The following TRPM1 variants were observed in gnomAD, a reference collection of about 807,000 sequenced individuals.
TRPM1 encodes TRPM1-203 APA Isoform, Intron 10.
In TRPM1, 113 loss-of-function variants were observed where a neutral mutation model predicts 149.4. That is an observed-to-expected ratio of 0.76 (90% CI 0.65 to 0.88). TRPM1 has a LOEUF of 0.88. TRPM1 is among the 40% of genes least tolerant of loss of function. The pLI is 0.00. For missense variants in TRPM1, 1,976 were observed against 2,038.7 expected (o/e 0.97, Z 0.59); for synonymous variants, 741 against 759.5 (o/e 0.98, Z 0.40).
At chr15:31,122,029 A>G (rs2035888323) in intron 1 of TRPM1, among the ~76,000 whole-genome samples, 1 of 152,214 alleles carries the variant, frequency 6.6e-6, no homozygotes, top group Non-Finnish European at 1.5e-5. Context: ...GGCTGATTCA[A>G]TGTCTAAAAA....
intron 27 of TRPM1, among the ~76,000 whole-genome samples, chr15:31,009,499 A>C (rs1444408542): frequency 6.6e-6 from 1 of 151,328 alleles, no homozygotes; most frequent in Non-Finnish European, 1.5e-5. Flanking sequence ...CTCTGTCTTT[A>C]GTTTGTGGCC....
chr15:31,130,407 A>G (rs548879225), intron 1 of TRPM1, among the ~76,000 whole-genome samples: 2 of 152,210 alleles, frequency 1.3e-5, no homozygotes, highest in Non-Finnish European at 2.9e-5. Context: ...GGAGGAACTT[A>G]GTTTATAGTT....
At chr15:31,150,185 G>T (rs1408813810) in intron 1 of TRPM1, among the ~76,000 whole-genome samples, 2 of 152,154 alleles carry the variant, frequency 1.3e-5, no homozygotes, top group Admixed American at 6.5e-5. Flanking sequence ...TTCTTCTATA[G>T]GTGACTCTGG....
intron 27 of TRPM1, among the ~76,000 whole-genome samples, chr15:31,005,250 T>A (rs567685238): frequency 8.5e-5 from 13 of 152,152 alleles, no homozygotes; most frequent in Non-Finnish European, 1.5e-4. Flanking sequence ...CAGTAAGAGA[T>A]ATTGCCGCTG....
chr15:31,029,305 G>A, intron 24 of TRPM1, 66 bp downstream of exon 24: 1 of 1,523,378 alleles, frequency 6.6e-7, no homozygotes, highest in South Asian at 1.1e-5. Context: ...CTAGTAATCA[G>A]CTAAGGAAAA....
chr15:31,054,497 G>T (rs2034033084), intron 11 of TRPM1, among the ~76,000 whole-genome samples: 1 of 152,064 alleles, frequency 6.6e-6, no homozygotes, highest in Non-Finnish European at 1.5e-5. Flanking sequence ...GTTTCACCAT[G>T]TTGGCCAGGC....
rs770838967 is a variant in TRPM1 at position 31,063,243 on chromosome 15, A to T, written c.840T>A (p.Pro280=). 2.5e-6 allele frequency: 4 copies of T among 1,614,004 alleles called. No homozygotes were observed. In the African/African-American group the frequency reaches 5.3e-5, roughly 22 times the overall value. ...ATTCCAAGACGATGGACACCACGTT[A>T]GGGCCCCCCTCCACCACGAGACCCA... ...PLVGLVVEGG[P]NVVSIVLEYL... The change falls in exon 8 of 28, where the codon CCT becomes CCA. Residue 280 remains proline (P), a synonymous_variant. Coordinates refer to ENST00000256552, the MANE Select transcript of TRPM1 (RefSeq NM_001252024.2).
chr15:31,032,850 T>G lies in TRPM1; in HGVS notation c.2791A>C (p.Thr931Pro), dbSNP rs2033157563. ...WNITDLVAIS[T>P]FMIGAILRLQ... is the part of the protein sequence containing the mutation. Reference sequence around the variant, plus strand: ...CGAAGAATTGCTCCAATCATGAATGTGGAAATGGCCACGAGATCTGTGATG... The same window carrying G: ...CGAAGAATTGCTCCAATCATGAATGGGGAAATGGCCACGAGATCTGTGATG... Residue 931 changes from threonine (T) to proline (P), a missense_variant, in exon 22 of 28, where the codon ACA becomes CCA. Around this residue, in one of 3 missense-constraint regions of TRPM1, gnomAD observed 1,332 missense variants for 1,347.1 expected, o/e 0.99. Transcript: ENST00000256552. The G allele has an allele frequency of 6.2e-7, 1 of 1,614,108 alleles. No homozygotes were observed. The highest frequency in any genetic ancestry group is 1.3e-5 in the African/African-American group (1 of 74,926).
intron 1 of TRPM1, among the ~76,000 whole-genome samples, chr15:31,089,860 C>G (rs1339216699): frequency 6.6e-6 from 1 of 152,208 alleles, no homozygotes; most frequent in Non-Finnish European, 1.5e-5. Context: ...AAGGGGATAA[C>G]TGTGCCATGT....
intron 1 of TRPM1, among the ~76,000 whole-genome samples, chr15:31,108,788 C>T (rs2035643862): frequency 6.6e-6 from 1 of 152,210 alleles, no homozygotes; most frequent in Non-Finnish European, 1.5e-5. Context: ...GCCACCGTGC[C>T]CAGCCTTTTT....
chr15:31,042,151 C>T lies in TRPM1; in HGVS notation c.1887G>A (p.Arg629=), dbSNP rs1567013705. 6.2e-7 allele frequency: 1 copy of T among 1,614,228 alleles called. No individual in the cohort carries two copies. Among genetic ancestry groups the T allele is most frequent in the Admixed American group, 1.7e-5 (1 of 60,026 alleles). ...TCAGCTCGTGGAAGGGATACTGGAA[C>T]CGACTCACGGCAGGGTCGTCCACAT... ...DIDVDDPAVS[R]FQYPFHELMV... The change falls in exon 17 of 28, where the codon CGG becomes CGA. Residue 629 remains arginine (R), a synonymous_variant. Coordinates refer to ENST00000256552, the MANE Select transcript of TRPM1 (RefSeq NM_001252024.2).
At chr15:31,047,483 T>C (rs2033811508) in intron 14 of TRPM1, among the ~76,000 whole-genome samples, 2 of 152,162 alleles carry the variant, frequency 1.3e-5, no homozygotes, top group Admixed American at 6.5e-5. Context: ...CAGAATGACT[T>C]GAGGAACCTC....
At chr15:31,060,447 T>A (rs1567025089) in intron 11 of TRPM1, 97 bp downstream of exon 11, 23 of 1,017,986 alleles carry the variant, frequency 2.3e-5, no homozygotes, top group Non-Finnish European at 3.4e-5. Flanking sequence ...AAACCCCACA[T>A]AATTTCCTGA....
At chr15:31,136,842 A>C (rs1409656633) in intron 1 of TRPM1, among the ~76,000 whole-genome samples, 1 of 149,430 alleles carries the variant, frequency 6.7e-6, no homozygotes, top group African/African-American at 2.5e-5. Flanking sequence ...GCCCAATTCT[A>C]GAATTGCAAA....
At chr15:31,089,641 T>G (rs971644111) in intron 1 of TRPM1, among the ~76,000 whole-genome samples, 1 of 152,152 alleles carries the variant, frequency 6.6e-6, no homozygotes, top group Non-Finnish European at 1.5e-5. Context: ...ATGAGACGGG[T>G]CCAGGCCCAG....
chr15:31,105,072 T>G (rs968041616), upstream of TRPM1, among the ~76,000 whole-genome samples: 1 of 152,216 alleles, frequency 6.6e-6, no homozygotes, highest in African/African-American at 2.4e-5. Flanking sequence ...CTCATTCCAA[T>G]GTGACTAATG....
Position 31,026,912 on chromosome 15 carries a change from T to A in TRPM1, c.3496+3A>T, listed in dbSNP as rs1420472932. Reference sequence around the variant, plus strand: ...ACTTAGAAATGAAGAGCCCTGCACATACTCAATCCACGATCCCGTTCCTCT... The same window carrying A: ...ACTTAGAAATGAAGAGCCCTGCACAAACTCAATCCACGATCCCGTTCCTCT... On this transcript the variant is annotated splice_donor_region_variant and intron_variant, in intron 26 of 27. Coordinates refer to ENST00000256552, the MANE Select transcript of TRPM1 (RefSeq NM_001252024.2). 6.2e-7 allele frequency: 1 copy of A among 1,613,454 alleles called. No homozygotes were observed. Among genetic ancestry groups the A allele is most frequent in the Non-Finnish European group, 8.5e-7 (1 of 1,179,854 alleles).
chr15:31,119,243 AAAATAAATAAAT>A lies in TRPM1; in HGVS notation c.54+41651_54+41662del, dbSNP rs71110839. Among the ~76,000 whole-genome samples, 8 of 148,156 alleles carry A rather than the reference AAAATAAATAAAT, an allele frequency of 5.4e-5. No individual in the cohort carries two copies. The South Asian group carries it at 8.6e-4, about 16-fold the overall frequency. ...GCAACAAGAGTGAAACTCCATCTCAAAAATAAATAAATAAATAAATAAATAAATAAACTTATC... is the reference window on the plus strand; with the variant it reads ...GCAACAAGAGTGAAACTCCATCTCAAAAATAAATAAATAAATAAACTTATC... On this transcript the variant is annotated intron_variant, in intron 1 of 26. Transcript: ENST00000542188.
chr15:31,027,196 T>C, intron 25 of TRPM1, 79 bp from the exon 26 acceptor site: 3 of 1,373,986 alleles, frequency 2.2e-6, no homozygotes, highest in Non-Finnish European at 3.0e-6. Context: ...GTTACTCACA[T>C]TTAAGTGAAA....
Sources: allele counts gnomAD v4.1 joint callset (sites outside exome capture counted in the v4.1 genomes callset), GRCh38; gene constraint gnomAD v4.1.1; regional missense constraint gnomAD v4.1.1; transcripts MANE v1.5; gene names NCBI Gene and HGNC (gene_info 2026-07-23, HGNC 2026-07-21).